The following CTNS variants were observed in gnomAD, a reference collection of about 807,000 sequenced individuals.
CTNS encodes cystinosin.
A neutral mutation model predicts 43.7 loss-of-function variants in CTNS; 27 were observed. The observed-to-expected ratio is 0.62, with a 90% confidence interval of 0.46 to 0.85. The LOEUF is 0.85. CTNS is among the 40% of genes least tolerant of loss of function. CTNS has a pLI of 0.00. For synonymous variants in CTNS, 187 were observed against 190.6 expected (o/e 0.98, Z 0.16); for missense variants, 457 against 475.4 (o/e 0.96, Z 0.36).
rs1431417193 is a variant in CTNS, at chr17:3,662,852, C to T, written c.*2483C>T. On this transcript the variant is annotated 3_prime_UTR_variant, in exon 12 of 12. Transcript: ENST00000046640. Reference sequence around the variant, plus strand: ...TCTGGCCCCAATATCCCACCGCCACCCCCACCCCGATATCCCAGCCCATGC... The same window carrying T: ...TCTGGCCCCAATATCCCACCGCCACTCCCACCCCGATATCCCAGCCCATGC... 4.6e-5 allele frequency: 7 copies of T among 152,176 alleles called. No homozygotes were observed. The highest frequency in any genetic ancestry group is 4.6e-4 in the Admixed American group (7 of 15,278). The allele number at this position is 152,176 out of a possible 1,614,324, so 9.4% of individuals were successfully genotyped here. A position where few individuals can be genotyped will look rare whatever the true frequency, so the allele number is the denominator to read the frequency against.
At chr17:3,645,859 CAAAAAAA>C (rs35273890) in intron 3 of CTNS, among the ~76,000 whole-genome samples, 4 of 74,270 alleles carry the variant, frequency 5.4e-5, no homozygotes, top group African/African-American at 1.6e-4. Flanking sequence ...GACTCTGTCT[CAAAAAAA>C]AAAAAAAAAA....
Position 3,659,993 on chromosome 17 carries a change from C to T in CTNS, c.970+18C>T, listed in dbSNP as rs2076248957. ...CAACAACGGTGAGTCAGCCAGCGGG[C>T]TGCTGGCCACCCTGCGGCTGGGGCA... On this transcript the variant is annotated intron_variant, in intron 11 of 11. Transcript: ENST00000046640. 6.3e-7 allele frequency: 1 copy of T among 1,596,104 alleles called. No individual in the cohort carries two copies. Among genetic ancestry groups the T allele is most frequent in the Non-Finnish European group, 8.6e-7 (1 of 1,164,778 alleles).
At chr17:3,658,628 A>G (rs927548437) in intron 10 of CTNS, among the ~76,000 whole-genome samples, 1 of 152,166 alleles carries the variant, frequency 6.6e-6, no homozygotes, top group African/African-American at 2.4e-5. Flanking sequence ...ATCTTGCCCC[A>G]CAGCCTGGGA....
chr17:3,641,377 TATATATA>T lies in CTNS; in HGVS notation c.61+1111_61+1117del, dbSNP rs1446907196. Among the ~76,000 whole-genome samples, 59 of 53,074 alleles carry T rather than the reference TATATATA, an allele frequency of 1.1e-3. 4 individuals are homozygous for T. Among genetic ancestry groups the T allele is most frequent in the African/African-American group, 4.3e-3 (44 of 10,264 alleles). The allele number at this position is 53,074 out of a possible 152,430, so 34.8% of individuals were successfully genotyped here. A position where few individuals can be genotyped will look rare whatever the true frequency, so the allele number is the denominator to read the frequency against. Reference sequence around the variant, plus strand: ...TCAGATACATATATATATATATATATATATATATTTTTTTTTTTTTTTTTTTTTTTTT... The same window carrying T: ...TCAGATACATATATATATATATATATTTTTTTTTTTTTTTTTTTTTTTTTT... On this transcript the variant is annotated intron_variant, in intron 3 of 11. Transcript: ENST00000046640.
At chr17:3,650,402 A>C in intron 5 of CTNS, 1 of 1,515,720 alleles carries the variant, frequency 6.6e-7, no homozygotes, top group Non-Finnish European at 8.9e-7. Flanking sequence ...GAATCACTTG[A>C]GCCCAGGAAC....
intron 4 of CTNS, 65 bp downstream of exon 4, chr17:3,647,587 C>T: frequency 2.1e-6 from 3 of 1,405,976 alleles, no homozygotes; most frequent in East Asian, 2.3e-5. Context: ...TCAGGGCTGA[C>T]CCCTGGCTCA....
rs1052975634 is a variant in CTNS at position 3,637,135 on chromosome 17, T to C, written c.-201T>C. ...GCTTTGGAGACGCTGAGAGAACCTT[T>C]GCGAGAGCGCCGGTTGACGTGCGGA... On this transcript the variant is annotated 5_prime_UTR_variant, in exon 2 of 12. Transcript: ENST00000046640. 2.0e-5 allele frequency: 3 copies of C among 152,264 alleles called. No individual in the cohort carries two copies. The highest frequency in any genetic ancestry group is 7.2e-5 in the African/African-American group (3 of 41,434). 9.4% of individuals were successfully genotyped at this position (152,264 alleles called of 1,614,324 possible).
At chr17:3,644,310 T>C (rs904198389) in intron 3 of CTNS, among the ~76,000 whole-genome samples, 3 of 152,148 alleles carry the variant, frequency 2.0e-5, no homozygotes, top group African/African-American at 4.8e-5. Flanking sequence ...GTCACACAGC[T>C]AGGAAGTGTC....
intron 5 of CTNS, chr17:3,650,190 G>C: frequency 6.4e-7 from 1 of 1,550,450 alleles, no homozygotes. Flanking sequence ...GAAGCAGGAG[G>C]AGAAGAATGC....
intron 3 of CTNS, among the ~76,000 whole-genome samples, chr17:3,641,384 A>ATATATATATATATAT (rs1555558526): frequency 9.6e-5 from 3 of 31,204 alleles, no homozygotes; most frequent in Admixed American, 6.3e-4. Flanking sequence ...ATATATATAT[A>ATATATATATATATAT]TTTTTTTTTT....
chr17:3,659,631 G>A (rs983504819), intron 10 of CTNS, among the ~76,000 whole-genome samples: 4 of 152,230 alleles, frequency 2.6e-5, no homozygotes, highest in Non-Finnish European at 5.9e-5. Context: ...TGGGGGGTGC[G>A]GGGCCTTTGC....
rs759363199 is a variant in CTNS, at chr17:3,659,882, A to G, written c.877A>G (p.Ser293Gly). 9.9e-6 allele frequency: 16 copies of G among 1,613,846 alleles called. No individual in the cohort carries two copies. The highest frequency in any genetic ancestry group is 1.4e-5 in the Non-Finnish European group (16 of 1,179,980). The change falls in exon 11 of 12, where the codon AGC (serine) becomes GGC (glycine). Residue 293 changes from serine (S) to glycine (G), a missense_variant. Physicochemically the swap from Ser to Gly is moderately conservative, Grantham distance 56. Coordinates refer to ENST00000046640, the MANE Select transcript of CTNS (RefSeq NM_004937.3). ...GGCCTACATGAACTTTTACTACAAA[A>G]GCACTGAGGGCTGGAGCATTGGCAA... ...PQAYMNFYYK[S>G]TEGWSIGNVL...
At position 3,659,830 on chromosome 17, in the gene CTNS, C is replaced by T. The variant is rs78671385; in HGVS notation, c.853-28C>T. 12,443 of 1,570,250 alleles carry T rather than the reference C, an allele frequency of 7.9e-3. 58 individuals are homozygous for T. Among genetic ancestry groups the T allele is most frequent in the Non-Finnish European group, 9.3e-3 (10,629 of 1,140,318 alleles). ...CAGCCGCCCAGCCCTCACCGCCCTC[C>T]GTCTGTCTGTCCGTCTGTCTGGCCC... On this transcript the variant is annotated intron_variant, in intron 10 of 11. Coordinates refer to ENST00000046640, the MANE Select transcript of CTNS (RefSeq NM_004937.3).
At chr17:3,646,702 G>A (rs953880577) in intron 3 of CTNS, among the ~76,000 whole-genome samples, 3 of 152,112 alleles carry the variant, frequency 2.0e-5, no homozygotes, top group African/African-American at 4.8e-5. Context: ...CTCCCAAAGC[G>A]CCAGGTTTCT....
At chr17:3,639,323 C>T (rs536636942) in intron 2 of CTNS, among the ~76,000 whole-genome samples, 18 of 152,250 alleles carry the variant, frequency 1.2e-4, no homozygotes, top group East Asian at 7.7e-4. Context: ...CATCCCTCCC[C>T]GAGTCCTCCT....
chr17:3,654,725 T>A (rs1295325292), intron 5 of CTNS, among the ~76,000 whole-genome samples: 1 of 147,978 alleles, frequency 6.8e-6, no homozygotes, highest in Non-Finnish European at 1.5e-5. Context: ...CCAGGCGCGG[T>A]GGCTCACATC....
Position 3,660,899 on chromosome 17 carries a change from C to A in CTNS, c.*530C>A, listed in dbSNP as rs1430736415. The A allele has an allele frequency of 1.9e-6, 2 of 1,027,264 alleles. No individual in the cohort carries two copies. The highest frequency in any genetic ancestry group is 1.6e-5 in the African/African-American group (1 of 62,898). 63.6% of individuals were successfully genotyped at this position (1,027,264 alleles called of 1,614,324 possible). A position where few individuals can be genotyped will look rare whatever the true frequency, so the allele number is the denominator to read the frequency against. On this transcript the variant is annotated 3_prime_UTR_variant, in exon 12 of 12. Transcript: ENST00000046640. The stretch of plus-strand genomic sequence containing the variant: ...CTCTGAAGGCCACTTTCCTGACGTA[C>A]TCTCTGTACATAACTCAGCGTCCGT...
intron 4 of CTNS, 21 bp downstream of exon 4, chr17:3,647,543 C>T: frequency 6.2e-7 from 1 of 1,611,120 alleles, no homozygotes; most frequent in Non-Finnish European, 8.5e-7. Flanking sequence ...GGGCCTGGCG[C>T]TGTGCTCAGC....
intron 3 of CTNS, among the ~76,000 whole-genome samples, chr17:3,643,860 C>T (rs2075780132): frequency 6.6e-6 from 1 of 152,160 alleles, no homozygotes; most frequent in Non-Finnish European, 1.5e-5. Context: ...AGCCACCGCA[C>T]CCGGCCAAAA....
Sources: allele counts gnomAD v4.1 joint callset (sites outside exome capture counted in the v4.1 genomes callset), GRCh38; gene constraint gnomAD v4.1.1; transcripts MANE v1.5; gene names NCBI Gene and HGNC (gene_info 2026-07-23, HGNC 2026-07-21).